The following ZP4 variants were observed in gnomAD, a reference collection of about 807,000 sequenced individuals.
ZP4 encodes the protein zona pellucida sperm-binding protein 4.
In ZP4, 62 loss-of-function variants were observed where a neutral mutation model predicts 62.3. The observed-to-expected ratio is 0.99, with a 90% CI of 0.81 to 1.23. The LOEUF (loss-of-function observed/expected upper bound fraction) is 1.23. ZP4 is among the 50% of genes most tolerant of loss of function. The pLI is 0.00. For missense variants in ZP4, 774 were observed against 656.0 expected (o/e 1.18, Z -1.97); for synonymous variants, 289 against 247.3 (o/e 1.17, Z -1.58).
At chr1:237,889,480 G>A (rs760816690) in intron 3 of ZP4, among the ~76,000 whole-genome samples, 3 of 151,824 alleles carry the variant, frequency 2.0e-5, no homozygotes, top group East Asian at 3.9e-4. Context: ...CACCACACCC[G>A]GCTGATTGTG....
At chr1:237,884,012 A>G (rs1558530981) in intron 10 of ZP4, among the ~76,000 whole-genome samples, 8 of 79,546 alleles carry the variant, frequency 1.0e-4, no homozygotes, top group Middle Eastern at 6.0e-3. Flanking sequence ...ACACACACAC[A>G]CACAAACACA....
rs1375626931 is a variant in ZP4 at position 237,887,570 on chromosome 1, G to A, written c.554-9C>T. On this transcript the variant is annotated splice_polypyrimidine_tract_variant and intron_variant, in intron 4 of 11. Transcript: ENST00000366570. ...GGTACAATGCAAGGTCACTGAAACA[G>A]AGCAGCTGTGCTGAAGGCAGGTCAT... 1 of 1,611,896 alleles carries A rather than the reference G, an allele frequency of 6.2e-7. No homozygotes were observed. The highest frequency in any genetic ancestry group is 1.7e-5 in the Admixed American group (1 of 59,826).
At chr1:237,887,331 C>T (rs1190978601) in intron 5 of ZP4, 43 bp downstream of exon 5, 8 of 1,600,846 alleles carry the variant, frequency 5.0e-6, no homozygotes, top group Admixed American at 3.4e-5. Flanking sequence ...CTACAACCTT[C>T]CCACCCAACT....
chr1:237,890,244 C>G, intron 1 of ZP4, 68 bp from the exon 2 acceptor site: 4 of 1,608,696 alleles, frequency 2.5e-6, no homozygotes, highest in Non-Finnish European at 1.7e-6. Flanking sequence ...GATAGTCAGC[C>G]TTGCCATTAG....
chr1:237,884,035 CACACACAAACACACACAAACACACACAA>C (rs1558531217), intron 10 of ZP4, among the ~76,000 whole-genome samples: 95 of 121,658 alleles, frequency 7.8e-4, no homozygotes, highest in Middle Eastern at 3.9e-3. Context: ...CACACACAAA[CACACACAAACACACACAAACACACACAA>C]ACACACACAA....
At chr1:237,887,010 G>A (rs1665119062) in intron 5 of ZP4, 142 bp from the exon 6 acceptor site, 2 of 731,782 alleles carry the variant, frequency 2.7e-6, no homozygotes, top group Non-Finnish European at 4.5e-6. Flanking sequence ...ACACATAGCA[G>A]TGACATCCTG....
intron 4 of ZP4, among the ~76,000 whole-genome samples, chr1:237,888,101 G>A (rs1665149313): frequency 6.6e-6 from 1 of 152,230 alleles, no homozygotes; most frequent in South Asian, 2.1e-4. Context: ...CTGTCAGTTA[G>A]AAGTTATCTG....
At chr1:237,882,719 T>A in intron 11 of ZP4, 23 bp downstream of exon 11, 1 of 1,609,856 alleles carries the variant, frequency 6.2e-7, no homozygotes, top group Non-Finnish European at 8.5e-7. Flanking sequence ...ACTAGTTTGA[T>A]CTCCTCCCTC....
rs1456958324 is a variant in ZP4 at position 237,890,059 on chromosome 1, T to A, written c.293A>T (p.Glu98Val). ...EATYSSCYVTEWDSHYIMPVG... is the reference protein window; with the variant it reads ...EATYSSCYVTVWDSHYIMPVG... Reference sequence around the variant, plus strand: ...TGGCCATTGGGTCATACTCACCCACTCAGTGACATAGCAGCTGCTATAGGT... The same window carrying A: ...TGGCCATTGGGTCATACTCACCCACACAGTGACATAGCAGCTGCTATAGGT... The change falls in exon 2 of 12, where the codon GAG becomes GTG. Residue 98 changes from glutamate (E) to valine (V), a missense_variant. Physicochemically the swap from Glu to Val is moderately radical, Grantham distance 121. Transcript: ENST00000366570. 1.4e-5 allele frequency: 23 copies of A among 1,614,086 alleles called. No homozygotes were observed. The highest frequency in any genetic ancestry group is 1.9e-5 in the Non-Finnish European group (23 of 1,180,012).
In ZP4 at chr1:237,888,257, G is replaced by A. The variant is rs919142214; in HGVS notation, c.553+101C>T. The A allele has an allele frequency of 8.6e-5, 110 of 1,280,368 alleles. 1 individual carries two copies. The highest frequency in any genetic ancestry group is 5.7e-4 in the Middle Eastern group (2 of 3,482). The allele number at this position is 1,280,368 out of a possible 1,614,324, so 79.3% of individuals were successfully genotyped here. The stretch of plus-strand genomic sequence containing the variant: ...TGGATGCATGGCTACATGGCAGCCT[G>A]CTATCACTTGATGTTTGCCTTCTGA... On this transcript the variant is annotated intron_variant, in intron 4 of 11. Transcript: ENST00000366570.
intron 10 of ZP4, among the ~76,000 whole-genome samples, chr1:237,883,995 CACACACACACACACACACACAA>C (rs1359596045): frequency 0.038 from 2,753 of 71,632 alleles, 106 homozygotes; most frequent in East Asian, 0.13. Flanking sequence ...CACACACACA[CACACACACACACACACACACAA>C]ACACACACAC....
At position 237,890,676 on chromosome 1, in the gene ZP4, T is replaced by A; in HGVS notation, c.-41A>T. Reference sequence around the variant, plus strand: ...TCCTGCCGGCTGCAGACTCTCCGCCTCCTCTCCCAAGAGCCGAGGGTCTGC... The same window carrying A: ...TCCTGCCGGCTGCAGACTCTCCGCCACCTCTCCCAAGAGCCGAGGGTCTGC... On this transcript the variant is annotated 5_prime_UTR_variant, in exon 1 of 12. Coordinates refer to ENST00000366570, the MANE Select transcript of ZP4 (RefSeq NM_021186.5). The A allele has an allele frequency of 6.3e-7, 1 of 1,589,338 alleles. No homozygotes were observed. Among genetic ancestry groups the A allele is most frequent in the Non-Finnish European group, 8.6e-7 (1 of 1,167,494 alleles).
chr1:237,884,846 A>G lies in ZP4; in HGVS notation c.1313T>C (p.Val438Ala), dbSNP rs1665058019. 1.9e-6 allele frequency: 3 copies of G among 1,612,970 alleles called. No individual in the cohort carries two copies. In the Admixed American group the frequency reaches 5.0e-5, roughly 27 times the overall value. Residue 438 changes from valine to alanine, a missense_variant and splice_region_variant, in exon 10 of 12, where the codon GTG becomes GCG. Coordinates refer to ENST00000366570, the MANE Select transcript of ZP4 (RefSeq NM_021186.5). ...TVEKQALRGPVHLHCSVSVCQ... is the reference protein window; with the variant it reads ...TVEKQALRGPAHLHCSVSVCQ... ...GACTGACACGCTGCAGTGCAGATGC[A>G]CCTGGGAGCCAACAGAATTCAGGTC... is the stretch of plus-strand genomic sequence containing the variant.
At position 237,886,696 on chromosome 1, in the gene ZP4, C is replaced by T. The variant is rs546036126; in HGVS notation, c.839+75G>A. 2.6e-5 allele frequency: 32 copies of T among 1,251,192 alleles called. 1 individual carries two copies. The South Asian group carries it at 3.9e-4, about 15-fold the overall frequency. The allele number at this position is 1,251,192 out of a possible 1,614,324, so 77.5% of individuals were successfully genotyped here. The stretch of plus-strand genomic sequence containing the variant: ...TTTTCTCCTATTGCTGAGGAATGCT[C>T]ATTTGTGGATTCAGGGCTTACCTGA... On this transcript the variant is annotated intron_variant, in intron 6 of 11. Transcript: ENST00000366570.
rs929014070 is a variant in ZP4, at chr1:237,890,537, G to A, written c.99C>T (p.His33=). The A allele has an allele frequency of 1.7e-5, 28 of 1,614,040 alleles. No individual in the cohort carries two copies. The Admixed American group carries it at 4.0e-4, about 23-fold the overall frequency. ...CAAACTGGAAGCTCCACGGCCCACA[G>A]TGGAGCACACTGGAATAATCTGGTG... ...PEAPDYSSVL[H]CGPWSFQFAV... Residue 33 remains histidine (H), a synonymous_variant, in exon 1 of 12, where the codon CAC becomes CAT. Transcript: ENST00000366570.
intron 9 of ZP4, 102 bp downstream of exon 9, chr1:237,885,063 C>T: frequency 6.7e-7 from 1 of 1,498,560 alleles, no homozygotes; most frequent in Non-Finnish European, 9.0e-7. Flanking sequence ...CAATAGCCAG[C>T]ATTAAAGGGC....
chr1:237,890,158 T>C lies in ZP4; in HGVS notation c.194A>G (p.His65Arg), dbSNP rs775798272. ...ACAGTCGGAGTCATTCTGCAGCTCG[T>C]GCAGCAGCCCTTGGTTGTCTGGAGG... The part of the protein sequence containing the change: ...LIAWDNQGLL[H>R]ELQNDSDCGT... The change falls in exon 2 of 12, where the codon CAC (histidine) becomes CGC (arginine). Residue 65 changes from histidine (H) to arginine (R), a missense_variant. Physicochemically the swap from His to Arg is conservative, Grantham distance 29 (BLOSUM62 0). Coordinates refer to ENST00000366570, the MANE Select transcript of ZP4 (RefSeq NM_021186.5). 9.3e-6 allele frequency: 15 copies of C among 1,614,022 alleles called. No individual in the cohort carries two copies. In the East Asian group the frequency reaches 3.3e-4, roughly 36 times the overall value.
chr1:237,887,680 G>A, intron 4 of ZP4, 119 bp from the exon 5 acceptor site: 2 of 1,050,478 alleles, frequency 1.9e-6, no homozygotes, highest in Non-Finnish European at 2.7e-6. Flanking sequence ...CAACTTCCCA[G>A]TGACAACCTC....
At chr1:237,886,613 C>G (rs1665107911) in intron 6 of ZP4, among the ~76,000 whole-genome samples, 158 bp downstream of exon 6, 1 of 152,198 alleles carries the variant, frequency 6.6e-6, no homozygotes, top group East Asian at 1.9e-4. Flanking sequence ...GACAGCAACA[C>G]AGATGGACCT....
Sources: gnomAD v4.1 joint callset for allele counts (sites outside exome capture counted in the v4.1 genomes callset) on GRCh38, gnomAD v4.1.1 for gene constraint, MANE v1.5 for transcripts, NCBI Gene and HGNC (gene_info 2026-07-23, HGNC 2026-07-21) for gene names.